Variants in ARID2 observed in about 807,000 individuals in gnomAD.
ARID2 encodes the protein AT-rich interactive domain-containing protein 2.
In ARID2, 32 loss-of-function variants were observed where a neutral mutation model predicts 184.6. The ratio of observed to expected loss-of-function variants is 0.17; its 90% CI spans 0.13 to 0.23. The LOEUF (loss-of-function observed/expected upper bound fraction) is 0.23. ARID2 is among the 10% of genes least tolerant of loss of function. ARID2 has a pLI of 1.00. For synonymous variants in ARID2, 836 were observed against 772.6 expected (o/e 1.08, Z -1.36); for missense variants, 1,696 against 2,197.6 (o/e 0.77, Z 4.56).
chr12:45,873,143 C>T (rs1297835480), intron 16 of ARID2, among the ~76,000 whole-genome samples: 3 of 152,152 alleles, frequency 2.0e-5, no homozygotes, highest in Admixed American at 1.3e-4. Flanking sequence ...TCTTGATCCA[C>T]GATAATTTTC....
chr12:45,845,315 A>G (rs757936120), intron 11 of ARID2, among the ~76,000 whole-genome samples: 67 of 152,178 alleles, frequency 4.4e-4, no homozygotes, highest in Admixed American at 9.8e-4. Context: ...AATATCGTCA[A>G]CTTAGAAGGG....
chr12:45,813,719 T>G (rs1157725823), intron 4 of ARID2, among the ~76,000 whole-genome samples: 1 of 152,134 alleles, frequency 6.6e-6, no homozygotes, highest in Non-Finnish European at 1.5e-5. Context: ...CATCGTACAC[T>G]GATAGAATGT....
chr12:45,800,334 T>C (rs1942473447), intron 3 of ARID2, among the ~76,000 whole-genome samples: 1 of 152,198 alleles, frequency 6.6e-6, no homozygotes, highest in Admixed American at 6.5e-5. Flanking sequence ...GTAAAATTCA[T>C]ATTAAATTCT....
chr12:45,887,298 A>T (rs143273797), intron 16 of ARID2, among the ~76,000 whole-genome samples: 94 of 152,264 alleles, frequency 6.2e-4, no homozygotes, highest in African/African-American at 2.1e-3. Context: ...AGTGTCAAAA[A>T]CTTGTTACAG....
intron 16 of ARID2, among the ~76,000 whole-genome samples, chr12:45,861,351 A>G (rs1943743585): frequency 6.6e-6 from 1 of 152,100 alleles, no homozygotes; most frequent in African/African-American, 2.4e-5. Context: ...AAAGAGAATG[A>G]CTTGTCTTGA....
At position 45,907,772 on chromosome 12, in the gene ARID2, AAT is replaced by A. The variant is rs1944549339; in HGVS notation, c.*2698_*2699del. ...TTATCTTTGAGAAATCTATGTAAAT[AAT>A]ATAGTCTACAACATAGAGACTGTAT... On this transcript the variant is annotated 3_prime_UTR_variant, in exon 21 of 21. Transcript: ENST00000334344. The A allele has an allele frequency of 8.6e-6, 2 of 232,870 alleles. No individual in the cohort carries two copies. Among genetic ancestry groups the A allele is most frequent in the Non-Finnish European group, 1.7e-5 (2 of 117,584 alleles). 14.4% of individuals were successfully genotyped at this position (232,870 alleles called of 1,614,324 possible). A position where few individuals can be genotyped will look rare whatever the true frequency, so the allele number is the denominator to read the frequency against.
intron 3 of ARID2, among the ~76,000 whole-genome samples, chr12:45,789,812 A>G (rs535967797): frequency 1.2e-4 from 19 of 152,278 alleles, no homozygotes; most frequent in Non-Finnish European, 1.9e-4. Context: ...ACCAAGTAAT[A>G]TATTTTTTAA....
At chr12:45,791,457 T>C (rs987160977) in intron 3 of ARID2, among the ~76,000 whole-genome samples, 5 of 152,184 alleles carry the variant, frequency 3.3e-5, no homozygotes, top group African/African-American at 1.2e-4. Flanking sequence ...TGTATTTGAT[T>C]TGGTAATATT....
At chr12:45,769,130 A>G (rs183632814) in intron 3 of ARID2, among the ~76,000 whole-genome samples, 1 of 152,370 alleles carries the variant, frequency 6.6e-6, no homozygotes, top group East Asian at 1.9e-4. Context: ...TCAGTTCCCA[A>G]CAAAAAATTG....
Position 45,851,263 on chromosome 12 carries a change from C to T in ARID2, c.3140C>T (p.Ala1047Val), listed in dbSNP as rs1043894371. ...CAAGTTCAACCTCAACAGTCGAATG[C>T]AGGAGTTGGTCAGCCTGCCTCTGGT... ...QMQVQPQQSNAGVGQPASGES... is the reference protein window; with the variant it reads ...QMQVQPQQSNVGVGQPASGES... Residue 1047 changes from alanine (A) to valine (V), a missense_variant, in exon 15 of 21, where the codon GCA becomes GTA. Physicochemically the swap from Ala to Val is moderately conservative, Grantham distance 64. Transcript: ENST00000334344. 7 of 1,614,078 alleles carry T rather than the reference C, an allele frequency of 4.3e-6. No individual in the cohort carries two copies. Among genetic ancestry groups the T allele is most frequent in the Non-Finnish European group, 5.9e-6 (7 of 1,180,028 alleles).
intron 3 of ARID2, among the ~76,000 whole-genome samples, chr12:45,795,527 G>T (rs1435947166): frequency 6.6e-6 from 1 of 152,046 alleles, no homozygotes; most frequent in Non-Finnish European, 1.5e-5. Context: ...CCGCCTCCCG[G>T]GTTCACGCCA....
At chr12:45,791,718 C>A (rs1942294568) in intron 3 of ARID2, among the ~76,000 whole-genome samples, 1 of 152,142 alleles carries the variant, frequency 6.6e-6, no homozygotes, top group Non-Finnish European at 1.5e-5. Context: ...CTGCAGCCTC[C>A]CAAGTAGGTG....
At chr12:45,759,513 T>G (rs1941634589) in intron 3 of ARID2, among the ~76,000 whole-genome samples, 1 of 152,190 alleles carries the variant, frequency 6.6e-6, no homozygotes, top group African/African-American at 2.4e-5. Context: ...ATTTTAGGTC[T>G]TCTTCCCAAA....
intron 5 of ARID2, among the ~76,000 whole-genome samples, chr12:45,821,021 A>C (rs1942885188): frequency 6.6e-6 from 1 of 152,152 alleles, no homozygotes; most frequent in African/African-American, 2.4e-5. Context: ...TGAAGTGTGA[A>C]TTATGCAAGT....
At chr12:45,739,251 T>A (rs956566923) in intron 3 of ARID2, among the ~76,000 whole-genome samples, 24 of 152,110 alleles carry the variant, frequency 1.6e-4, no homozygotes, top group Non-Finnish European at 3.1e-4. Flanking sequence ...AGTGCTGAGA[T>A]TACAGGCGTG....
intron 15 of ARID2, among the ~76,000 whole-genome samples, chr12:45,854,653 A>T (rs1391129009): frequency 6.6e-6 from 1 of 152,216 alleles, no homozygotes; most frequent in Non-Finnish European, 1.5e-5. Flanking sequence ...AATCCTAAAT[A>T]GTTATAACAG....
intron 6 of ARID2, among the ~76,000 whole-genome samples, chr12:45,827,615 A>C (rs183777539): frequency 1.7e-3 from 266 of 152,202 alleles, no homozygotes; most frequent in African/African-American, 6.2e-3. Context: ...GAGAGTTATA[A>C]GACATGTGAG....
chr12:45,894,540 G>A (rs1944343608), intron 20 of ARID2, among the ~76,000 whole-genome samples: 1 of 151,986 alleles, frequency 6.6e-6, no homozygotes, highest in African/African-American at 2.4e-5. Flanking sequence ...AATTTTCTAA[G>A]CATAAAAATA....
rs1338389420 is a variant in ARID2, at chr12:45,905,390, C to G, written c.*312C>G. Reference sequence around the variant, plus strand: ...TGGTATGATCAGAATTCAGTACCATCCACATTGGAATATACATGGAATATT... The same window carrying G: ...TGGTATGATCAGAATTCAGTACCATGCACATTGGAATATACATGGAATATT... On this transcript the variant is annotated 3_prime_UTR_variant, in exon 21 of 21. Transcript: ENST00000334344. The G allele has an allele frequency of 3.8e-6, 1 of 260,200 alleles. No individual in the cohort carries two copies. The highest frequency in any genetic ancestry group is 7.3e-6 in the Non-Finnish European group (1 of 136,064). 16.1% of individuals were successfully genotyped at this position (260,200 alleles called of 1,614,324 possible).
Sources: gnomAD v4.1 joint callset for allele counts (sites outside exome capture counted in the v4.1 genomes callset) on GRCh38, gnomAD v4.1.1 for gene constraint, MANE v1.5 for transcripts, NCBI Gene and HGNC (gene_info 2026-07-23, HGNC 2026-07-21) for gene names.